Variants in ANO2 observed in about 807,000 individuals in gnomAD.
ANO2 encodes anoctamin-2.
A neutral mutation model predicts 124.2 loss-of-function variants in ANO2; 101 were observed. The ratio of observed to expected loss-of-function variants is 0.81; its 90% CI spans 0.69 to 0.96. The LOEUF (loss-of-function observed/expected upper bound fraction) is 0.96, where lower values mean the gene tolerates loss of function less well. Ranked by LOEUF, ANO2 falls within the 40% of genes least tolerant of loss-of-function variation. The pLI, the probability that ANO2 is intolerant of heterozygous loss-of-function variation, is 0.00. For synonymous variants in ANO2, 486 were observed against 482.5 expected (o/e 1.01, Z -0.09); for missense variants, 1,293 against 1,274.5 (o/e 1.01, Z -0.22).
chr12:5,709,874 C>T lies in ANO2; in HGVS notation c.1545+22646G>A, dbSNP rs117078307. Among the ~76,000 whole-genome samples the T allele has an allele frequency of 2.7e-3, 416 of 152,218 alleles. 2 individuals are homozygous for T. Among genetic ancestry groups the T allele is most frequent in the Non-Finnish European group, 4.0e-3 (272 of 68,032 alleles). On this transcript the variant is annotated intron_variant, in intron 14 of 24. Transcript: ENST00000682330. ...GAAACTGCAAGAGGAAACGGATAGG[C>T]GCTGGGAGATGGCCCAGGGATCCAG...
chr12:5,936,932 C>A (rs1411220375), intron 1 of ANO2, among the ~76,000 whole-genome samples: 1 of 152,182 alleles, frequency 6.6e-6, no homozygotes, highest in Non-Finnish European at 1.5e-5. Context: ...GATGCAACAT[C>A]ATCAAAGCTC....
chr12:5,684,289 A>G (rs1180657482), intron 14 of ANO2, among the ~76,000 whole-genome samples: 2 of 152,266 alleles, frequency 1.3e-5, no homozygotes, highest in Admixed American at 6.5e-5. Flanking sequence ...TCAGAGGGAT[A>G]GGGATCAGGG....
rs1001169239 is a variant in ANO2, at chr12:5,578,354, T to G, written c.2386+12A>C. 6.2e-7 allele frequency: 1 copy of G among 1,611,424 alleles called. No individual in the cohort carries two copies. Among genetic ancestry groups the G allele is most frequent in the Non-Finnish European group, 8.5e-7 (1 of 1,178,416 alleles). On this transcript the variant is annotated intron_variant, in intron 21 of 24. Transcript: ENST00000682330. ...GGATGGGCCTGGTGGGGCCTCTAAG[T>G]GGGGCACGTACCGATATCTTTGGTT...
At chr12:5,731,294 G>A (rs745952159) in intron 14 of ANO2, among the ~76,000 whole-genome samples, 11 of 151,624 alleles carry the variant, frequency 7.3e-5, no homozygotes, top group Middle Eastern at 3.2e-3. Flanking sequence ...TCTTGGACTT[G>A]GTCTTCGTCT....
chr12:5,865,705 C>T (rs1955407191), intron 3 of ANO2, among the ~76,000 whole-genome samples: 1 of 147,822 alleles, frequency 6.8e-6, no homozygotes, highest in Admixed American at 6.8e-5. Flanking sequence ...CATTATGCCA[C>T]CATATCATCA....
At chr12:5,820,576 A>G (rs1029236680) in intron 7 of ANO2, among the ~76,000 whole-genome samples, 2 of 152,198 alleles carry the variant, frequency 1.3e-5, no homozygotes, top group East Asian at 3.9e-4. Flanking sequence ...GGTGAGAGCT[A>G]CTATGGTGGG....
At chr12:5,630,073 C>T (rs1222217147) in intron 16 of ANO2, among the ~76,000 whole-genome samples, 2 of 152,226 alleles carry the variant, frequency 1.3e-5, no homozygotes, top group Non-Finnish European at 2.9e-5. Context: ...GGCCTGACAC[C>T]TCAGCCTCTT....
chr12:5,812,677 G>GACAA (rs1953456237), intron 7 of ANO2, among the ~76,000 whole-genome samples: 1 of 139,878 alleles, frequency 7.1e-6, no homozygotes, highest in East Asian at 2.2e-4. Context: ...AGGGAAGGCA[G>GACAA]GCAAGAGAAA....
chr12:5,568,267 C>T (rs1432668528), intron 23 of ANO2, among the ~76,000 whole-genome samples: 2 of 151,806 alleles, frequency 1.3e-5, no homozygotes, highest in East Asian at 3.9e-4. Flanking sequence ...AGCCTCAGTC[C>T]CTCAGCTGGG....
chr12:5,663,721 C>T (rs991768159), intron 14 of ANO2, among the ~76,000 whole-genome samples: 1 of 152,144 alleles, frequency 6.6e-6, no homozygotes, highest in African/African-American at 2.4e-5. Flanking sequence ...CTGTCATCAG[C>T]CCCCTCCAAC....
chr12:5,578,252 A>C (rs1000275101), intron 21 of ANO2, 114 bp downstream of exon 21: 1 of 1,447,558 alleles, frequency 6.9e-7, no homozygotes, highest in Non-Finnish European at 9.4e-7. Context: ...GAGGGACCCA[A>C]AGGGAAGAGG....
At chr12:5,727,699 G>A (rs564051943) in intron 14 of ANO2, among the ~76,000 whole-genome samples, 22 of 146,204 alleles carry the variant, frequency 1.5e-4, no homozygotes, top group African/African-American at 3.8e-4. Flanking sequence ...GTGCAGTGGC[G>A]CAGTCTCGGC....
intron 3 of ANO2, among the ~76,000 whole-genome samples, chr12:5,916,272 G>A (rs1269003324): frequency 1.3e-5 from 2 of 151,942 alleles, no homozygotes; most frequent in African/African-American, 4.8e-5. Flanking sequence ...GTGAGGCCTG[G>A]TCTCAAAAAT....
chr12:5,567,145 T>C (rs1941816011), intron 23 of ANO2, among the ~76,000 whole-genome samples: 1 of 152,170 alleles, frequency 6.6e-6, no homozygotes, highest in Admixed American at 6.5e-5. Context: ...GGCCAGGAGC[T>C]ACCCTCTCCC....
chr12:5,917,266 T>G (rs1353593571), intron 3 of ANO2, among the ~76,000 whole-genome samples: 1 of 152,122 alleles, frequency 6.6e-6, no homozygotes, highest in Non-Finnish European at 1.5e-5. Context: ...GTGTTGATAG[T>G]AGCATTAAGG....
At chr12:5,564,932 C>T (rs1003179301) in intron 24 of ANO2, among the ~76,000 whole-genome samples, 1 of 152,180 alleles carries the variant, frequency 6.6e-6, no homozygotes, top group African/African-American at 2.4e-5. Context: ...GGCTCGTTCT[C>T]CAGCCCTGCT....
chr12:5,628,673 T>A (rs1945534529), intron 16 of ANO2, among the ~76,000 whole-genome samples: 1 of 151,008 alleles, frequency 6.6e-6, no homozygotes, highest in African/African-American at 2.4e-5. Flanking sequence ...AGAGAGTGTG[T>A]GTGTGTGTGT....
chr12:5,599,713 A>C (rs772786626), intron 19 of ANO2, 84 bp from the exon 20 acceptor site: 3 of 1,441,780 alleles, frequency 2.1e-6, no homozygotes, highest in Non-Finnish European at 2.8e-6. Context: ...AAGAACACAA[A>C]AGTTTTGACA....
intron 12 of ANO2, among the ~76,000 whole-genome samples, chr12:5,743,754 T>C (rs760627569): frequency 6.6e-5 from 10 of 152,274 alleles, no homozygotes; most frequent in Non-Finnish European, 1.3e-4. Flanking sequence ...ACCTTTCCCA[T>C]GAGCTAACTC....
Sources: gnomAD v4.1 joint callset for allele counts (sites outside exome capture counted in the v4.1 genomes callset) on GRCh38, gnomAD v4.1.1 for gene constraint, MANE v1.5 for transcripts, NCBI Gene and HGNC (gene_info 2026-07-23, HGNC 2026-07-21) for gene names.